The following PAK5 variants were observed in gnomAD, a reference collection of about 807,000 sequenced individuals.
PAK5 encodes the protein p21 (RAC1) activated kinase 5, also known as serine/threonine-protein kinase PAK 5.
A neutral mutation model predicts 65.9 loss-of-function variants in PAK5; 16 were observed. The ratio of observed to expected loss-of-function variants is 0.24; its 90% CI spans 0.16 to 0.37. The LOEUF is 0.37. Among genes scored for constraint, PAK5 ranks in the 10% least tolerant of loss-of-function variants. PAK5 has a pLI of 1.00. For missense variants in PAK5, 785 were observed against 903.9 expected (o/e 0.87, Z 1.69); for synonymous variants, 371 against 354.9 (o/e 1.05, Z -0.51).
intron 1 of PAK5, among the ~76,000 whole-genome samples, chr20:9,814,657 T>C (rs570725769): frequency 3.1e-3 from 472 of 152,280 alleles, no homozygotes; most frequent in African/African-American, 0.011. Context: ...AAAATAAATA[T>C]ATAAGAAAAA....
chr20:9,575,419 C>T (rs1568973916), intron 4 of PAK5, among the ~76,000 whole-genome samples: 1 of 152,186 alleles, frequency 6.6e-6, no homozygotes, highest in Non-Finnish European at 1.5e-5. Flanking sequence ...CATACAGCTA[C>T]TAAGCGCTTG....
In PAK5 at chr20:9,587,474, G is replaced by A. The variant is rs754883420; in HGVS notation, c.205-6544C>T. Among the ~76,000 whole-genome samples the A allele has an allele frequency of 9.2e-5, 14 of 152,144 alleles. 1 individual carries two copies. ...TGTATGAGTCAGAAAAATTAACCAA[G>A]TTAGACTTTCAAGATTTAAATGGAA... On this transcript the variant is annotated intron_variant, in intron 3 of 9. Transcript: ENST00000353224.
At chr20:9,683,682 T>C (rs1237840500) in intron 2 of PAK5, among the ~76,000 whole-genome samples, 2 of 152,056 alleles carry the variant, frequency 1.3e-5, no homozygotes, top group East Asian at 3.9e-4. Flanking sequence ...TAGGCCAGGG[T>C]ATTTCTTTCC....
intron 1 of PAK5, among the ~76,000 whole-genome samples, chr20:9,717,888 G>C (rs1279953347): frequency 6.6e-6 from 1 of 152,164 alleles, no homozygotes; most frequent in African/African-American, 2.4e-5. Flanking sequence ...CCAAAGTGCT[G>C]GCATTACAGG....
intron 3 of PAK5, among the ~76,000 whole-genome samples, chr20:9,604,474 C>G (rs889048041): frequency 6.6e-6 from 1 of 152,242 alleles, no homozygotes; most frequent in Non-Finnish European, 1.5e-5. Flanking sequence ...AGGAGTTTGA[C>G]ACAACAGCAT....
chr20:9,601,850 C>T (rs6140979), intron 3 of PAK5, among the ~76,000 whole-genome samples: 1 of 152,294 alleles, frequency 6.6e-6, no homozygotes, highest in South Asian at 2.1e-4. Context: ...TGAACCCAAC[C>T]TAAAACCCGC....
chr20:9,720,201 G>A (rs982996775), intron 1 of PAK5, among the ~76,000 whole-genome samples: 2 of 152,072 alleles, frequency 1.3e-5, no homozygotes, highest in Non-Finnish European at 1.5e-5. Context: ...ACTGGGGGTC[G>A]TAACTGTCCC....
chr20:9,670,153 T>G (rs2047476926), intron 2 of PAK5, among the ~76,000 whole-genome samples: 1 of 152,220 alleles, frequency 6.6e-6, no homozygotes, highest in South Asian at 2.1e-4. Context: ...TGCCACATTT[T>G]CTTAATTCAG....
chr20:9,671,262 T>C (rs1033517516), intron 2 of PAK5, among the ~76,000 whole-genome samples: 1 of 152,186 alleles, frequency 6.6e-6, no homozygotes, highest in Non-Finnish European at 1.5e-5. Context: ...TGTGGGCTCT[T>C]TTTTCATTCC....
intron 2 of PAK5, among the ~76,000 whole-genome samples, chr20:9,681,192 A>G (rs1299924901): frequency 6.6e-6 from 1 of 152,166 alleles, no homozygotes; most frequent in Non-Finnish European, 1.5e-5. Context: ...GTTTTTATGT[A>G]AACTTAGCTG....
At chr20:9,734,218 C>T (rs1322332591) in intron 1 of PAK5, among the ~76,000 whole-genome samples, 2 of 152,134 alleles carry the variant, frequency 1.3e-5, no homozygotes, top group East Asian at 1.9e-4. Flanking sequence ...AAGTTGAAAA[C>T]CTGGGGAAAT....
At chr20:9,828,878 T>C (rs1340995458) in intron 1 of PAK5, among the ~76,000 whole-genome samples, 1 of 152,202 alleles carries the variant, frequency 6.6e-6, no homozygotes, top group Non-Finnish European at 1.5e-5. Flanking sequence ...CTTCCTTTCC[T>C]TCCCCCATTA....
Position 9,580,593 on chromosome 20 carries a change from T to C in PAK5, c.542A>G (p.Tyr181Cys), listed in dbSNP as rs746095667. 34 of 1,614,020 alleles carry C rather than the reference T, an allele frequency of 2.1e-5. 1 individual carries two copies. The highest frequency in any genetic ancestry group is 3.3e-4 in the Middle Eastern group (2 of 6,084). The change falls in exon 4 of 10, where the codon TAC (tyrosine) becomes TGC (cysteine). Residue 181 changes from tyrosine (Y) to cysteine (C), a missense_variant. Coordinates refer to ENST00000353224, the MANE Select transcript of PAK5 (RefSeq NM_177990.4). Reference protein sequence around the residue: ...HVMKMKHGEAYYSEVKPLKSD... With the variant: ...HVMKMKHGEACYSEVKPLKSD... ...TTTCAAAGGCTTCACCTCAGAATAG[T>C]AGGCCTCCCCGTGCTTCATTTTCAT...
intron 1 of PAK5, among the ~76,000 whole-genome samples, chr20:9,737,060 A>G (rs925521562): frequency 3.3e-5 from 5 of 152,138 alleles, no homozygotes; most frequent in African/African-American, 1.2e-4. Context: ...AAAATATATT[A>G]CAACATTGAA....
chr20:9,664,673 G>A (rs1239554706), intron 2 of PAK5, among the ~76,000 whole-genome samples: 8 of 151,998 alleles, frequency 5.3e-5, no homozygotes, highest in Admixed American at 4.6e-4. Context: ...TGTAGTTATC[G>A]TCTTGTGTCC....
chr20:9,780,241 C>A (rs1190009532), intron 1 of PAK5, among the ~76,000 whole-genome samples: 1 of 150,338 alleles, frequency 6.7e-6, no homozygotes, highest in Non-Finnish European at 1.5e-5. Context: ...CTGTGAAAGA[C>A]TAAATCAGAG....
chr20:9,697,980 C>T (rs1284327301), intron 2 of PAK5, among the ~76,000 whole-genome samples: 1 of 151,914 alleles, frequency 6.6e-6, no homozygotes, highest in Non-Finnish European at 1.5e-5. Flanking sequence ...GACATTAGCC[C>T]ATGATGTTAG....
intron 3 of PAK5, among the ~76,000 whole-genome samples, chr20:9,604,375 C>T (rs537918592): frequency 6.6e-6 from 1 of 152,318 alleles, no homozygotes; most frequent in East Asian, 1.9e-4. Context: ...TGTATGTGAG[C>T]CCCCTAATAA....
intron 1 of PAK5, among the ~76,000 whole-genome samples, chr20:9,826,687 C>A (rs994632361): frequency 2.0e-5 from 3 of 152,162 alleles, no homozygotes; most frequent in Non-Finnish European, 2.9e-5. Flanking sequence ...TGATTTATTT[C>A]TCTCCCAAAC....
Sources: allele counts gnomAD v4.1 joint callset (sites outside exome capture counted in the v4.1 genomes callset), GRCh38; gene constraint gnomAD v4.1.1; transcripts MANE v1.5; gene names NCBI Gene and HGNC (gene_info 2026-07-23, HGNC 2026-07-21).